Variants in PCDHB7 observed in about 807,000 individuals in gnomAD.
The protein encoded by PCDHB7 is protocadherin beta 7.
For missense variants in PCDHB7, 1,148 were observed against 1,011.6 expected (o/e 1.13, Z -1.83); for synonymous variants, 542 against 463.1 (o/e 1.17, Z -2.19).
chr5:141,174,094 C>A lies in PCDHB7; in HGVS notation c.1259C>A (p.Thr420Asn). Residue 420 changes from threonine (T) to asparagine (N), a missense_variant, in exon 1 of 1, where the codon ACC becomes AAC. Transcript: ENST00000231137. ...DRERNTEYNI[T>N]ITVTDLGTPR... ...GAGAGGAACACTGAGTACAACATCACCATCACCGTCACCGACTTGGGGACA... is the reference window on the plus strand; with the variant it reads ...GAGAGGAACACTGAGTACAACATCAACATCACCGTCACCGACTTGGGGACA... The A allele has an allele frequency of 1.9e-6, 3 of 1,614,132 alleles. No individual in the cohort carries two copies. Among genetic ancestry groups the A allele is most frequent in the Non-Finnish European group, 2.5e-6 (3 of 1,180,006 alleles).
chr5:141,173,875 T>C lies in PCDHB7; in HGVS notation c.1040T>C (p.Leu347Pro). ...VTDINDNRPELLLSSLTSPIA... is the reference protein window; with the variant it reads ...VTDINDNRPEPLLSSLTSPIA... Reference sequence around the variant, plus strand: ...GATATAAACGATAATCGACCCGAGCTGCTCCTGTCTTCACTTACTAGCCCA... The same window carrying C: ...GATATAAACGATAATCGACCCGAGCCGCTCCTGTCTTCACTTACTAGCCCA... The change falls in exon 1 of 1, where the codon CTG becomes CCG. Residue 347 changes from leucine to proline, a missense_variant. Transcript: ENST00000231137. 1 of 1,613,696 alleles carries C rather than the reference T, an allele frequency of 6.2e-7. No homozygotes were observed. Among genetic ancestry groups the C allele is most frequent in the Non-Finnish European group, 8.5e-7 (1 of 1,179,688 alleles).
rs1753269810 is a variant in PCDHB7 at position 141,173,543 on chromosome 5, T to G, written c.708T>G (p.Asn236Lys). 1 of 1,613,544 alleles carries G rather than the reference T, an allele frequency of 6.2e-7. No homozygotes were observed. The highest frequency in any genetic ancestry group is 1.3e-5 in the African/African-American group (1 of 74,898). The change falls in exon 1 of 1, where the codon AAT becomes AAG. Residue 236 changes from asparagine (N) to lysine (K), a missense_variant. Coordinates refer to ENST00000231137, the MANE Select transcript of PCDHB7 (RefSeq NM_018940.4). ...TGCGCATTCTGGTTCTAGACGTAAA[T>G]GACAACGCCCCTGATTTTGTGCGGT... ...ALVRILVLDV[N>K]DNAPDFVRSL...
rs910818466 is a variant in PCDHB7, at chr5:141,173,341, A to G, written c.506A>G (p.Asn169Ser). 5.0e-6 allele frequency: 8 copies of G among 1,613,842 alleles called. No individual in the cohort carries two copies. Among genetic ancestry groups the G allele is most frequent in the Admixed American group, 3.3e-5 (2 of 59,998 alleles). ...GATGTTGGAACCAACAGCCTGAGTAACTACACCATCAGCCCCAATGCCTAT... is the reference window on the plus strand; with the variant it reads ...GATGTTGGAACCAACAGCCTGAGTAGCTACACCATCAGCCCCAATGCCTAT... ...DSDVGTNSLS[N>S]YTISPNAYFH... Residue 169 changes from asparagine (N) to serine (S), a missense_variant, in exon 1 of 1, where the codon AAC becomes AGC. By Grantham distance (46) the Asn-to-Ser change is conservative. Transcript: ENST00000231137.
Position 141,173,193 on chromosome 5 carries a change from G to A in PCDHB7, c.358G>A (p.Glu120Lys), listed in dbSNP as rs17286891. ...AAAACCTTTTCAGATTTTCCGTGCTGAACTATGGGTCAGAGACATCAATGA... is the reference window on the plus strand; with the variant it reads ...AAAACCTTTTCAGATTTTCCGTGCTAAACTATGGGTCAGAGACATCAATGA... ...LEKPFQIFRA[E>K]LWVRDINDHA... The change falls in exon 1 of 1, where the codon GAA becomes AAA. Residue 120 changes from glutamate to lysine, a missense_variant. Transcript: ENST00000231137. The A allele has an allele frequency of 0.1, 162,150 of 1,613,864 alleles. 9,124 individuals are homozygous for A. The highest frequency in any genetic ancestry group is 0.13 in the Admixed American group (7,834 of 60,000).
In PCDHB7 at chr5:141,174,020, A is replaced by G; in HGVS notation, c.1185A>G (p.Pro395=). Residue 395 remains proline, a synonymous_variant, in exon 1 of 1, where the codon CCA becomes CCG. Transcript: ENST00000231137. ...IQDDVPFILK[P]SVENFYTLVT... is the part of the protein sequence containing the mutation. Reference sequence around the variant, plus strand: ...ACGATGTCCCCTTCATCCTGAAGCCATCTGTCGAAAACTTCTATACTCTGG... The same window carrying G: ...ACGATGTCCCCTTCATCCTGAAGCCGTCTGTCGAAAACTTCTATACTCTGG... 1 of 1,614,202 alleles carries G rather than the reference A, an allele frequency of 6.2e-7. No individual in the cohort carries two copies. The highest frequency in any genetic ancestry group is 8.5e-7 in the Non-Finnish European group (1 of 1,180,028).
At position 141,174,390 on chromosome 5, in the gene PCDHB7, C is replaced by A. The variant is rs781887230; in HGVS notation, c.1555C>A (p.Leu519Met). The change falls in exon 1 of 1, where the codon CTG becomes ATG. Residue 519 changes from leucine to methionine, a missense_variant. By Grantham distance (15) the Leu-to-Met change is conservative. Transcript: ENST00000231137. ...DNGHLFALRSLDYEALQAFEF... is the reference protein window; with the variant it reads ...DNGHLFALRSMDYEALQAFEF... ...CGGCCACCTGTTTGCCCTCAGGTCCCTGGACTACGAGGCCCTGCAGGCGTT... is the reference window on the plus strand; with the variant it reads ...CGGCCACCTGTTTGCCCTCAGGTCCATGGACTACGAGGCCCTGCAGGCGTT... 1.9e-6 allele frequency: 3 copies of A among 1,612,496 alleles called. No individual in the cohort carries two copies. In the South Asian group the frequency reaches 3.3e-5, roughly 18 times the overall value.
chr5:141,173,354 C>G lies in PCDHB7; in HGVS notation c.519C>G (p.Ser173Arg). ...ACAGCCTGAGTAACTACACCATCAGCCCCAATGCCTATTTCCATATTAATG... is the reference window on the plus strand; with the variant it reads ...ACAGCCTGAGTAACTACACCATCAGGCCCAATGCCTATTTCCATATTAATG... ...GTNSLSNYTI[S>R]PNAYFHINVH... The change falls in exon 1 of 1, where the codon AGC becomes AGG. Residue 173 changes from serine to arginine, a missense_variant. Coordinates refer to ENST00000231137, the MANE Select transcript of PCDHB7 (RefSeq NM_018940.4). The G allele has an allele frequency of 6.2e-7, 1 of 1,613,710 alleles. No individual in the cohort carries two copies. Among genetic ancestry groups the G allele is most frequent in the Non-Finnish European group, 8.5e-7 (1 of 1,179,734 alleles).
chr5:141,173,529 G>C lies in PCDHB7; in HGVS notation c.694G>C (p.Val232Leu). ...AGGGACCGCCCTCGTGCGCATTCTG[G>C]TTCTAGACGTAAATGACAACGCCCC... ...RSGTALVRIL[V>L]LDVNDNAPDF... is the part of the protein sequence containing the mutation. Residue 232 changes from valine (V) to leucine (L), a missense_variant, in exon 1 of 1, where the codon GTT becomes CTT. Physicochemically the swap from Val to Leu is conservative, Grantham distance 32 (BLOSUM62 1). Transcript: ENST00000231137. 1 of 1,613,816 alleles carries C rather than the reference G, an allele frequency of 6.2e-7. No homozygotes were observed. The highest frequency in any genetic ancestry group is 8.5e-7 in the Non-Finnish European group (1 of 1,179,780).
chr5:141,175,174 A>T lies in PCDHB7; in HGVS notation c.2339A>T (p.Glu780Val). The change falls in exon 1 of 1, where the codon GAA (glutamate) becomes GTA (valine). Residue 780 changes from glutamate to valine, a missense_variant. Glu to Val is a moderately radical substitution (Grantham distance 121, BLOSUM62 -2). Transcript: ENST00000231137. ...PNLLPQSTGR[E>V]VEENRPFQNN... ...CTGCTACCCCAGAGCACAGGCAGGG[A>T]AGTGGAAGAAAATCGCCCATTTCAG... 1 of 1,610,862 alleles carries T rather than the reference A, an allele frequency of 6.2e-7. No individual in the cohort carries two copies. The highest frequency in any genetic ancestry group is 8.5e-7 in the Non-Finnish European group (1 of 1,178,576).
In PCDHB7 at chr5:141,175,086, G is replaced by A. The variant is rs782618323; in HGVS notation, c.2251G>A (p.Val751Met). 1.9e-6 allele frequency: 3 copies of A among 1,614,128 alleles called. No individual in the cohort carries two copies. Among genetic ancestry groups the A allele is most frequent in the African/African-American group, 2.7e-5 (2 of 74,928 alleles). The change falls in exon 1 of 1, where the codon GTG (valine) becomes ATG (methionine). Residue 751 changes from valine (V) to methionine (M), a missense_variant. Transcript: ENST00000231137. ...GTLSQSYQYE[V>M]CLTGGSGTNE... The stretch of plus-strand genomic sequence containing the variant: ...CCTATCCCAGAGCTACCAGTATGAG[G>A]TGTGCCTGACTGGAGGCTCCGGGAC...
In PCDHB7 at chr5:141,175,106, C is replaced by T. The variant is rs782627462; in HGVS notation, c.2271C>T (p.Ser757=). The T allele has an allele frequency of 6.2e-6, 10 of 1,614,076 alleles. No homozygotes were observed. Among genetic ancestry groups the T allele is most frequent in the African/African-American group, 2.7e-5 (2 of 74,910 alleles). Residue 757 remains serine (S), a synonymous_variant, in exon 1 of 1, where the codon TCC becomes TCT. Transcript: ENST00000231137. ...ATGAGGTGTGCCTGACTGGAGGCTC[C>T]GGGACAAATGAGTTCAAGTTTCTGA... ...YQYEVCLTGG[S]GTNEFKFLKP...
In PCDHB7 at chr5:141,175,167, G is replaced by T. The variant is rs781984836; in HGVS notation, c.2332G>T (p.Gly778Cys). The change falls in exon 1 of 1, where the codon GGC becomes TGC. Residue 778 changes from glycine (G) to cysteine (C), a missense_variant. Transcript: ENST00000231137. Reference sequence around the variant, plus strand: ...CCCCAACCTGCTACCCCAGAGCACAGGCAGGGAAGTGGAAGAAAATCGCCC... The same window carrying T: ...CCCCAACCTGCTACCCCAGAGCACATGCAGGGAAGTGGAAGAAAATCGCCC... ...IIPNLLPQST[G>C]REVEENRPFQ... The T allele has an allele frequency of 6.2e-7, 1 of 1,612,118 alleles. No individual in the cohort carries two copies. The highest frequency in any genetic ancestry group is 1.3e-5 in the African/African-American group (1 of 74,900).
At position 141,175,383 on chromosome 5, in the gene PCDHB7, C is replaced by T. The variant is rs1329646550; in HGVS notation, c.*166C>T. 4.9e-6 allele frequency: 4 copies of T among 809,210 alleles called. No homozygotes were observed. Among genetic ancestry groups the T allele is most frequent in the South Asian group, 2.0e-5 (1 of 48,914 alleles). 50.1% of individuals were successfully genotyped at this position (809,210 alleles called of 1,614,324 possible). A position where few individuals can be genotyped will look rare whatever the true frequency, so the allele number is the denominator to read the frequency against. On this transcript the variant is annotated 3_prime_UTR_variant, in exon 1 of 1. Transcript: ENST00000231137. ...GGATCCTGATTTAGTATCAAGAACC[C>T]TTCACAAAGCATGAAATGTATATGT...
chr5:141,173,278 C>A lies in PCDHB7; in HGVS notation c.443C>A (p.Pro148Gln). 1.2e-6 allele frequency: 2 copies of A among 1,614,058 alleles called. No individual in the cohort carries two copies. Among genetic ancestry groups the A allele is most frequent in the Non-Finnish European group, 1.7e-6 (2 of 1,179,976 alleles). ...ISLKILESTT[P>Q]GAAFLLESAQ... ...TTGAAAATATTAGAAAGTACCACTC[C>A]AGGGGCGGCATTTCTCCTAGAGAGT... The change falls in exon 1 of 1, where the codon CCA becomes CAA. Residue 148 changes from proline (P) to glutamine (Q), a missense_variant. Physicochemically the swap from Pro to Gln is moderately conservative, Grantham distance 76. Transcript: ENST00000231137.
At position 141,173,700 on chromosome 5, in the gene PCDHB7, C is replaced by A. The variant is rs1554280045; in HGVS notation, c.865C>A (p.Leu289Ile). ...ATTTTCTTACGCCACTGAAAGAATT[C>A]TCAAAACGTTTCAAATCAATCCAAC... ...YAFSYATERILKTFQINPTSG... is the reference protein window; with the variant it reads ...YAFSYATERIIKTFQINPTSG... The change falls in exon 1 of 1, where the codon CTC becomes ATC. Residue 289 changes from leucine (L) to isoleucine (I), a missense_variant. By Grantham distance (5) the Leu-to-Ile change is conservative. Coordinates refer to ENST00000231137, the MANE Select transcript of PCDHB7 (RefSeq NM_018940.4). The A allele has an allele frequency of 6.2e-7, 1 of 1,614,108 alleles. No homozygotes were observed. Among genetic ancestry groups the A allele is most frequent in the Non-Finnish European group, 8.5e-7 (1 of 1,179,978 alleles).
In PCDHB7 at chr5:141,175,083, G is replaced by A. The variant is rs782504225; in HGVS notation, c.2248G>A (p.Glu750Lys). The A allele has an allele frequency of 6.2e-7, 1 of 1,614,254 alleles. No homozygotes were observed. The highest frequency in any genetic ancestry group is 1.1e-5 in the South Asian group (1 of 91,082). Residue 750 changes from glutamate to lysine, a missense_variant, in exon 1 of 1, where the codon GAG becomes AAG. By Grantham distance (56) the Glu-to-Lys change is moderately conservative. Coordinates refer to ENST00000231137, the MANE Select transcript of PCDHB7 (RefSeq NM_018940.4). ...TGTLSQSYQY[E>K]VCLTGGSGTN... ...GACCCTATCCCAGAGCTACCAGTAT[G>A]AGGTGTGCCTGACTGGAGGCTCCGG...
In PCDHB7 at chr5:141,173,875, T is replaced by A. The variant is rs535172399; in HGVS notation, c.1040T>A (p.Leu347Gln). Residue 347 changes from leucine to glutamine, a missense_variant, in exon 1 of 1, where the codon CTG becomes CAG. By Grantham distance (113) the Leu-to-Gln change is moderately radical. Coordinates refer to ENST00000231137, the MANE Select transcript of PCDHB7 (RefSeq NM_018940.4). ...GATATAAACGATAATCGACCCGAGC[T>A]GCTCCTGTCTTCACTTACTAGCCCA... Reference protein sequence around the residue: ...VTDINDNRPELLLSSLTSPIA... With the variant: ...VTDINDNRPEQLLSSLTSPIA... 4 of 1,613,696 alleles carry A rather than the reference T, an allele frequency of 2.5e-6. No individual in the cohort carries two copies. Among genetic ancestry groups the A allele is most frequent in the Non-Finnish European group, 3.4e-6 (4 of 1,179,688 alleles).
Position 141,172,913 on chromosome 5 carries a change from T to A in PCDHB7, c.78T>A (p.Ala26=). 1.2e-6 allele frequency: 2 copies of A among 1,614,216 alleles called. No homozygotes were observed. The highest frequency in any genetic ancestry group is 1.7e-6 in the Non-Finnish European group (2 of 1,180,030). ...FLCVFLGMSW[A]GAEPLRYFVA... is the part of the protein sequence containing the mutation. ...GTGTATTTCTGGGAATGTCTTGGGCTGGCGCCGAACCGCTTCGGTATTTTG... is the reference window on the plus strand; with the variant it reads ...GTGTATTTCTGGGAATGTCTTGGGCAGGCGCCGAACCGCTTCGGTATTTTG... The change falls in exon 1 of 1, where the codon GCT becomes GCA. Residue 26 remains alanine (A), a synonymous_variant. Transcript: ENST00000231137.
At position 141,175,306 on chromosome 5, in the gene PCDHB7, A is replaced by G; in HGVS notation, c.*89A>G. Reference sequence around the variant, plus strand: ...TCCCTTAAGGGAGTGTCTTTACATCATTTCAAATATGTACTCTTGAAGTCA... The same window carrying G: ...TCCCTTAAGGGAGTGTCTTTACATCGTTTCAAATATGTACTCTTGAAGTCA... On this transcript the variant is annotated 3_prime_UTR_variant, in exon 1 of 1. Coordinates refer to ENST00000231137, the MANE Select transcript of PCDHB7 (RefSeq NM_018940.4). The G allele has an allele frequency of 7.9e-7, 1 of 1,267,026 alleles. No homozygotes were observed. Among genetic ancestry groups the G allele is most frequent in the East Asian group, 2.5e-5 (1 of 40,004 alleles). 78.5% of individuals were successfully genotyped at this position (1,267,026 alleles called of 1,614,324 possible).
Sources: gnomAD v4.1 joint callset for allele counts on GRCh38, gnomAD v4.1.1 for gene constraint, MANE v1.5 for transcripts, NCBI Gene and HGNC (gene_info 2026-07-23, HGNC 2026-07-21) for gene names.